Variants in KIAA1217 observed in about 807,000 individuals in gnomAD.
KIAA1217 encodes the protein sickle tail protein homolog.
KIAA1217 carries 88 observed loss-of-function variants against 163.9 expected under a neutral mutation model. The ratio of observed to expected loss-of-function variants is 0.54; its 90% CI spans 0.45 to 0.64. The LOEUF is 0.64. Ranked by LOEUF, KIAA1217 falls within the 30% of genes least tolerant of loss-of-function variation. The pLI, the probability that KIAA1217 is intolerant of heterozygous loss-of-function variation, is 0.00. For missense variants in KIAA1217, 2,372 were observed against 2,475.0 expected, an observed-to-expected ratio of 0.96 and a Z score of 0.88; for synonymous variants, 903 against 923.1, an observed-to-expected ratio of 0.98 and a Z score of 0.39.
Position 24,094,618 on chromosome 10 carries a change from G to A in KIAA1217, c.-171+87244G>A, listed in dbSNP as rs1445642672. 2.0e-4 allele frequency among the ~76,000 whole-genome samples: 30 copies of A among 152,312 alleles called. No individual in the cohort carries two copies. The South Asian group carries it at 3.5e-3, about 18-fold the overall frequency. On this transcript the variant is annotated intron_variant, in intron 2 of 18. Coordinates refer to the KIAA1217 transcript ENST00000376462. ...TTTTGTCTCAGAGGAGTACCCAGCC[G>A]TGTGAGGTGTCAGTCTGCCCCTACT...
At position 23,790,350 on chromosome 10, in the gene KIAA1217, C is replaced by T. The variant is rs1369855578; in HGVS notation, c.-321+95116C>T. ...ATGCATATATGCATATATACATATG[C>T]ATATATGCATATATACATATACATA... On this transcript the variant is annotated intron_variant, in intron 1 of 18. Transcript: ENST00000376462. 5.4e-5 allele frequency among the ~76,000 whole-genome samples: 4 copies of T among 74,500 alleles called. 1 individual carries two copies. The highest frequency in any genetic ancestry group is 1.0e-4 in the Non-Finnish European group (4 of 39,266). 48.9% of individuals were successfully genotyped at this position (74,500 alleles called of 152,430 possible). A position where few individuals can be genotyped will look rare whatever the true frequency, so the allele number is the denominator to read the frequency against.
intron 2 of KIAA1217, among the ~76,000 whole-genome samples, chr10:24,027,942 T>C (rs1241872460): frequency 6.6e-6 from 1 of 152,114 alleles, no homozygotes; most frequent in East Asian, 1.9e-4. Flanking sequence ...TACAATCCAT[T>C]TCTTTGAGCT....
At chr10:24,454,334 T>C (rs527285001) in intron 5 of KIAA1217, among the ~76,000 whole-genome samples, 2 of 152,336 alleles carry the variant, frequency 1.3e-5, no homozygotes, top group East Asian at 1.9e-4. Flanking sequence ...ACAGAAAATA[T>C]GTTTGACTCA....
At chr10:23,902,025 T>C (rs577076677) in intron 1 of KIAA1217, among the ~76,000 whole-genome samples, 71 of 151,640 alleles carry the variant, frequency 4.7e-4, no homozygotes, top group Middle Eastern at 3.5e-3. Flanking sequence ...TTCAGGCAAA[T>C]AATACAGAGC....
At chr10:24,414,340 G>T (rs2058054655) in intron 3 of KIAA1217, among the ~76,000 whole-genome samples, 1 of 152,178 alleles carries the variant, frequency 6.6e-6, no homozygotes, top group South Asian at 2.1e-4. Context: ...AGGTAAAGCT[G>T]ACAGAATGCA....
chr10:24,083,237 C>G (rs963236673), intron 2 of KIAA1217, among the ~76,000 whole-genome samples: 6 of 152,300 alleles, frequency 3.9e-5, no homozygotes, highest in African/African-American at 1.4e-4. Context: ...CAGGGACACT[C>G]TGTTGCTGCT....
chr10:23,881,664 C>T (rs149202056), intron 1 of KIAA1217, among the ~76,000 whole-genome samples: 199 of 152,066 alleles, frequency 1.3e-3, no homozygotes, highest in Non-Finnish European at 1.9e-3. Context: ...TTCGGAATTG[C>T]TATTGGTGAG....
chr10:24,428,262 A>G (rs761114099), intron 3 of KIAA1217, among the ~76,000 whole-genome samples: 28 of 152,222 alleles, frequency 1.8e-4, no homozygotes, highest in Non-Finnish European at 3.2e-4. Context: ...GATGTACCAT[A>G]GCAATCACAT....
intron 2 of KIAA1217, among the ~76,000 whole-genome samples, chr10:24,339,653 A>G (rs1436106953): frequency 6.6e-6 from 1 of 152,222 alleles, no homozygotes; most frequent in East Asian, 1.9e-4. Context: ...TATCATTATC[A>G]CTGTTTTACA....
intron 1 of KIAA1217, among the ~76,000 whole-genome samples, chr10:23,778,767 G>T (rs1354798861): frequency 3.9e-5 from 6 of 152,170 alleles, no homozygotes. Context: ...CATAAAGTAG[G>T]CTGGCTTCTG....
chr10:24,141,237 C>CCAA (rs879210941), intron 2 of KIAA1217, among the ~76,000 whole-genome samples: 1 of 132,010 alleles, frequency 7.6e-6, no homozygotes, highest in Admixed American at 7.7e-5. Flanking sequence ...CCCCCCCCCC[C>CCAA]ATTTCTCTCT....
At chr10:23,756,311 C>G (rs1229877593) in intron 1 of KIAA1217, among the ~76,000 whole-genome samples, 1 of 151,834 alleles carries the variant, frequency 6.6e-6, no homozygotes, top group Non-Finnish European at 1.5e-5. Flanking sequence ...AAAAGGAAAA[C>G]CTGTAAATAA....
At chr10:24,334,438 T>TGGAAGGAAGGAA (rs60016533) in intron 2 of KIAA1217, among the ~76,000 whole-genome samples, 4,459 of 82,120 alleles carry the variant, frequency 0.054, 109 homozygotes, top group South Asian at 0.089. Context: ...GAGGGAAGGA[T>TGGAAGGAAGGAA]GGAAGGAAGG....
Position 23,733,891 on chromosome 10 carries a change from C to G in KIAA1217, c.-321+38657C>G, listed in dbSNP as rs138431465. ...TGTATATTTTCCAGTTGCATTTTGT[C>G]TTTTATAAATTGTTCTTTGTTACTT... is the stretch of plus-strand genomic sequence containing the variant. On this transcript the variant is annotated intron_variant, in intron 1 of 18. Transcript: ENST00000376462. Among the ~76,000 whole-genome samples, 388 of 152,108 alleles carry G rather than the reference C, an allele frequency of 2.6e-3. 1 individual carries two copies. The highest frequency in any genetic ancestry group is 0.01 in the Middle Eastern group (3 of 294).
chr10:24,541,547 A>C (rs1350577854), intron 17 of KIAA1217, among the ~76,000 whole-genome samples: 1 of 152,176 alleles, frequency 6.6e-6, no homozygotes, highest in Non-Finnish European at 1.5e-5. Flanking sequence ...TCATTGCTTT[A>C]ACCAAGCAGC....
At chr10:24,398,923 T>G (rs1242724281) in intron 3 of KIAA1217, among the ~76,000 whole-genome samples, 3 of 152,164 alleles carry the variant, frequency 2.0e-5, no homozygotes, top group Non-Finnish European at 4.4e-5. Context: ...AAACTGCCTT[T>G]CCCTGGTACT....
intron 2 of KIAA1217, among the ~76,000 whole-genome samples, chr10:24,014,825 T>G (rs1847401020): frequency 6.6e-6 from 1 of 152,134 alleles, no homozygotes; most frequent in Admixed American, 6.5e-5. Flanking sequence ...GCTGAGAGTT[T>G]TTCTAAGCAG....
intron 1 of KIAA1217, among the ~76,000 whole-genome samples, chr10:23,730,181 G>A (rs554069394): frequency 3.0e-4 from 46 of 152,290 alleles, no homozygotes; most frequent in Non-Finnish European, 5.3e-4. Flanking sequence ...GATTACAGGC[G>A]TGAGCCACCA....
intron 1 of KIAA1217, among the ~76,000 whole-genome samples, chr10:23,735,822 G>A (rs1838764606): frequency 6.6e-6 from 1 of 152,222 alleles, no homozygotes; most frequent in Non-Finnish European, 1.5e-5. Context: ...TATTTAAAAT[G>A]TATAATTAAT....
Sources: gnomAD v4.1 joint callset for allele counts (sites outside exome capture counted in the v4.1 genomes callset) on GRCh38, gnomAD v4.1.1 for gene constraint, MANE v1.5 for transcripts, NCBI Gene and HGNC (gene_info 2026-07-23, HGNC 2026-07-21) for gene names.